Variants in UBE2D2 observed in about 807,000 individuals in gnomAD.
UBE2D2 encodes the protein ubiquitin-conjugating enzyme E2 D2.
In UBE2D2, 2 loss-of-function variants were observed where a neutral mutation model predicts 24.2. That is an observed-to-expected ratio of 0.08 (90% CI 0.03 to 0.26). UBE2D2 has a LOEUF of 0.26. UBE2D2 is among the 10% of genes least tolerant of loss of function. The probability of loss-of-function intolerance (pLI) is 1.00; values close to 1 mark genes in which losing one functional copy is unlikely to be tolerated. For synonymous variants in UBE2D2, 58 were observed against 56.5 expected, an observed-to-expected ratio of 1.03 and a Z score of -0.12; for missense variants, 44 against 177.6, an observed-to-expected ratio of 0.25 and a Z score of 4.28.
intron 1 of UBE2D2, among the ~76,000 whole-genome samples, chr5:139,573,758 A>C (rs1413405728): frequency 1.3e-5 from 2 of 152,084 alleles, no homozygotes; most frequent in South Asian, 4.1e-4. Context: ...TCACGAGGTC[A>C]AGAGATCGAG....
At chr5:139,602,241 G>A (rs1003334185) in intron 2 of UBE2D2, among the ~76,000 whole-genome samples, 7 of 152,254 alleles carry the variant, frequency 4.6e-5, no homozygotes, top group African/African-American at 1.7e-4. Flanking sequence ...TAGTAGAGAC[G>A]GGGTTTCGCC....
chr5:139,574,085 CTT>C (rs913940070), intron 1 of UBE2D2, among the ~76,000 whole-genome samples: 5 of 144,690 alleles, frequency 3.5e-5, no homozygotes, highest in Non-Finnish European at 3.0e-5. Context: ...TAACTTCTCT[CTT>C]TTTTTTTTTT....
intron 1 of UBE2D2, among the ~76,000 whole-genome samples, chr5:139,592,004 C>T (rs1287111669): frequency 6.6e-6 from 1 of 151,994 alleles, no homozygotes; most frequent in Non-Finnish European, 1.5e-5. Flanking sequence ...GTTCTCAAGA[C>T]CGGCCTGGAC....
In UBE2D2 at chr5:139,566,795, A is replaced by G. The variant is rs115509809; in HGVS notation, c.24+4980A>G. 2.7e-3 allele frequency among the ~76,000 whole-genome samples: 417 copies of G among 152,282 alleles called. 3 individuals are homozygous for G. Among genetic ancestry groups the G allele is most frequent in the African/African-American group, 9.2e-3 (383 of 41,556 alleles). ...ATGCATGTGCTATCAGATGAGGGCA[A>G]CTGCTAACCAGCTCCCTGCAAATGT... On this transcript the variant is annotated intron_variant, in intron 1 of 6. Transcript: ENST00000398733.
chr5:139,584,506 A>T (rs1581509300), intron 1 of UBE2D2, among the ~76,000 whole-genome samples: 2 of 146,850 alleles, frequency 1.4e-5, no homozygotes, highest in East Asian at 2.0e-4. Context: ...TTACCCCAAA[A>T]CACCTTTTTC....
At chr5:139,596,658 T>G (rs1753965699) in intron 1 of UBE2D2, among the ~76,000 whole-genome samples, 1 of 151,952 alleles carries the variant, frequency 6.6e-6, no homozygotes, top group Non-Finnish European at 1.5e-5. Context: ...TCCAGCACTT[T>G]GGGAGGCTGA....
rs997000894 is a variant in UBE2D2 at position 139,598,136 on chromosome 5, C to T, written c.25-2236C>T. Among the ~76,000 whole-genome samples the T allele has an allele frequency of 2.6e-5, 4 of 152,278 alleles. No homozygotes were observed. The South Asian group carries it at 8.3e-4, about 32-fold the overall frequency. Reference sequence around the variant, plus strand: ...CAGGATGGTCTCGATCTCCTGACCTCGTGATCTGCCTGCCTCAGCCTCGTG... The same window carrying T: ...CAGGATGGTCTCGATCTCCTGACCTTGTGATCTGCCTGCCTCAGCCTCGTG... On this transcript the variant is annotated intron_variant, in intron 1 of 6. Coordinates refer to ENST00000398733, the MANE Select transcript of UBE2D2 (RefSeq NM_003339.3).
Position 139,562,039 on chromosome 5 carries a change from C to G in UBE2D2, c.24+224C>G, listed in dbSNP as rs934274606. The G allele has an allele frequency of 1.5e-5, 12 of 821,620 alleles. No homozygotes were observed. In the Admixed American group the frequency reaches 2.8e-4, roughly 19 times the overall value. 50.9% of individuals were successfully genotyped at this position (821,620 alleles called of 1,614,324 possible). Reference sequence around the variant, plus strand: ...TGCTCTCGCGGCCTCAGCGTTCCTCCCCGGCTGCCCTTCCAGGCCCGCATG... The same window carrying G: ...TGCTCTCGCGGCCTCAGCGTTCCTCGCCGGCTGCCCTTCCAGGCCCGCATG... On this transcript the variant is annotated intron_variant, in intron 1 of 6. Coordinates refer to ENST00000398733, the MANE Select transcript of UBE2D2 (RefSeq NM_003339.3).
chr5:139,614,542 T>C lies in UBE2D2; in HGVS notation c.89-44T>C, dbSNP rs754309479. The C allele has an allele frequency of 1.7e-5, 27 of 1,607,838 alleles. No individual in the cohort carries two copies. In the Admixed American group the frequency reaches 3.7e-4, roughly 22 times the overall value. ...ATATGTTACTATGGCGTAGATACAA[T>C]GTAGATATTGTTACATGGTGACTTT... On this transcript the variant is annotated intron_variant, in intron 2 of 6. Coordinates refer to ENST00000398733, the MANE Select transcript of UBE2D2 (RefSeq NM_003339.3).
intron 1 of UBE2D2, among the ~76,000 whole-genome samples, chr5:139,529,168 C>T (rs1752572769): frequency 6.6e-6 from 1 of 152,076 alleles, no homozygotes; most frequent in Non-Finnish European, 1.5e-5. Context: ...CAAAAGGAAC[C>T]TGTTTGTATA....
At position 139,561,520 on chromosome 5, in the gene UBE2D2, A is replaced by G; in HGVS notation, c.-272A>G. 7 of 409,676 alleles carry G rather than the reference A, an allele frequency of 1.7e-5. No homozygotes were observed. Among genetic ancestry groups the G allele is most frequent in the Non-Finnish European group, 3.0e-5 (7 of 231,602 alleles). The allele number at this position is 409,676 out of a possible 1,614,324, so 25.4% of individuals were successfully genotyped here. A position where few individuals can be genotyped will look rare whatever the true frequency, so the allele number is the denominator to read the frequency against. ...TTTAGGAGGCGGCGCTGATCCTGGG[A>G]GGAAGAGGCAGCTACGGCGGCGGCG... On this transcript the variant is annotated 5_prime_UTR_variant, in exon 1 of 7. Transcript: ENST00000398733.
rs1366840760 is a variant in UBE2D2 at position 139,561,725 on chromosome 5, A to G, written c.-67A>G. 41 of 1,283,982 alleles carry G rather than the reference A, an allele frequency of 3.2e-5. No individual in the cohort carries two copies. The highest frequency in any genetic ancestry group is 3.2e-5 in the Non-Finnish European group (31 of 957,590). The allele number at this position is 1,283,982 out of a possible 1,614,324, so 79.5% of individuals were successfully genotyped here. ...TCGCCGAGGCGGCCTCAGGCTCCCT[A>G]GCCCCTTCCCCGTCCCTTCCCCGCC... is the stretch of plus-strand genomic sequence containing the variant. On this transcript the variant is annotated 5_prime_UTR_variant, in exon 1 of 7. Coordinates refer to ENST00000398733, the MANE Select transcript of UBE2D2 (RefSeq NM_003339.3).
chr5:139,568,095 G>C lies in UBE2D2; in HGVS notation c.24+6280G>C, dbSNP rs184662772. 2.8e-4 allele frequency among the ~76,000 whole-genome samples: 43 copies of C among 152,006 alleles called. No homozygotes were observed. In the East Asian group the frequency reaches 8.2e-3, roughly 29 times the overall value. ...GGTGGCTTATGCCTGTAATCCCCCA[G>C]TACTTTGGGAGGCTGAGGCGGGCCG... On this transcript the variant is annotated intron_variant, in intron 1 of 6. Coordinates refer to ENST00000398733, the MANE Select transcript of UBE2D2 (RefSeq NM_003339.3).
chr5:139,530,354 A>G (rs745665935), intron 1 of UBE2D2, among the ~76,000 whole-genome samples: 17 of 152,210 alleles, frequency 1.1e-4, no homozygotes, highest in Non-Finnish European at 1.9e-4. Flanking sequence ...CCATAAAAAC[A>G]GGTGAACTTC....
intron 1 of UBE2D2, among the ~76,000 whole-genome samples, chr5:139,568,534 T>G (rs377251745): frequency 2.3e-4 from 35 of 152,096 alleles, no homozygotes; most frequent in Middle Eastern, 3.4e-3. Flanking sequence ...GGCAGGTGCC[T>G]GTAGTCCCAG....
In UBE2D2 at chr5:139,614,843, T is replaced by C; in HGVS notation, c.199-18T>C. Reference sequence around the variant, plus strand: ...TACTAATAAACTAGTTTACAGAAAGTTTCCTTTCTTTCTGTAGGTTGCATT... The same window carrying C: ...TACTAATAAACTAGTTTACAGAAAGCTTCCTTTCTTTCTGTAGGTTGCATT... On this transcript the variant is annotated intron_variant, in intron 4 of 6. Coordinates refer to ENST00000398733, the MANE Select transcript of UBE2D2 (RefSeq NM_003339.3). 6.2e-7 allele frequency: 1 copy of C among 1,611,340 alleles called. No homozygotes were observed. Among genetic ancestry groups the C allele is most frequent in the Non-Finnish European group, 8.5e-7 (1 of 1,178,220 alleles).
At chr5:139,590,782 CTTTTTTTTTTTTTTTTTT>C (rs57962602) in intron 1 of UBE2D2, among the ~76,000 whole-genome samples, 413 of 38,452 alleles carry the variant, frequency 0.011, 11 homozygotes, top group African/African-American at 0.038. Flanking sequence ...TTCTCTTCTT[CTTTTTTTTTTTTTTTTTT>C]TTTTTTTTTT....
At chr5:139,556,927 C>T (rs556829479), upstream of UBE2D2, among the ~76,000 whole-genome samples, 15 of 151,594 alleles carry the variant, frequency 9.9e-5, no homozygotes, top group African/African-American at 2.9e-4. Flanking sequence ...CTCTGCCTCC[C>T]GGGTTCAAGC....
At chr5:139,623,891 A>G (rs968183797) in intron 6 of UBE2D2, among the ~76,000 whole-genome samples, 11 of 151,990 alleles carry the variant, frequency 7.2e-5, no homozygotes, top group African/African-American at 2.4e-4. Context: ...GACTTTTACC[A>G]TGTTGGCCAG....
Sources: gnomAD v4.1 joint callset for allele counts (sites outside exome capture counted in the v4.1 genomes callset) on GRCh38, gnomAD v4.1.1 for gene constraint, MANE v1.5 for transcripts, NCBI Gene and HGNC (gene_info 2026-07-23, HGNC 2026-07-21) for gene names.